Variants in CCDC9 observed in about 807,000 individuals in gnomAD.
CCDC9 encodes coiled-coil domain-containing protein 9.
A neutral mutation model predicts 65.6 loss-of-function variants in CCDC9; 52 were observed. The ratio of observed to expected loss-of-function variants is 0.79; its 90% confidence interval spans 0.63 to 1.00. CCDC9 has a LOEUF of 1.00. Ranked by LOEUF, CCDC9 falls within the 50% of genes least tolerant of loss-of-function variation. CCDC9 has a pLI of 0.00. For missense variants in CCDC9, 834 were observed against 757.2 expected, an observed-to-expected ratio of 1.10 and a Z score of -1.19; for synonymous variants, 332 against 280.3, an observed-to-expected ratio of 1.18 and a Z score of -1.84.
chr19:47,272,015 G>T, downstream of CCDC9: 1 of 1,239,166 alleles, frequency 8.1e-7, no homozygotes, highest in South Asian at 3.9e-5. Context: ...TCTCTCTTGG[G>T]GTGGGGAGAT....
chr19:47,272,311 A>C, downstream of CCDC9: 1 of 292,544 alleles, frequency 3.4e-6, no homozygotes, highest in East Asian at 8.2e-5. Context: ...TCGGATAGGG[A>C]TGGGGGGCTG....
chr19:47,274,480 G>A, downstream of CCDC9: 1 of 154,788 alleles, frequency 6.5e-6, no homozygotes, highest in Non-Finnish European at 1.4e-5. Context: ...TCGAGCACTG[G>A]AGTAGAGCAG....
downstream of CCDC9, chr19:47,274,956 AG>A (rs1310527120): frequency 1.5e-6 from 2 of 1,371,656 alleles, no homozygotes; most frequent in Non-Finnish European, 1.9e-6. Context: ...CGGCGCCGAG[AG>A]CCCCGGAGGC....
chr19:47,271,658 T>C lies in CCDC9; in HGVS notation c.1576T>C (p.Trp526Arg), dbSNP rs1467256347. 1 of 1,594,220 alleles carries C rather than the reference T, an allele frequency of 6.3e-7. No individual in the cohort carries two copies. The highest frequency in any genetic ancestry group is 8.5e-7 in the Non-Finnish European group (1 of 1,170,274). The stretch of plus-strand genomic sequence containing the variant: ...TGGCGCCCTCTCCCCGGGTGAGGCC[T>C]GGCCTTTTGAGAGTGTATGAAGCTG... ...LAGALSPGEAWPFESV is the reference protein window; with the variant it reads ...LAGALSPGEARPFESV Residue 526 changes from tryptophan to arginine, a missense_variant, in exon 12 of 12, where the codon TGG becomes CGG. Transcript: ENST00000221922.
chr19:47,259,870 T>C (rs1035390), intron 3 of CCDC9, among the ~76,000 whole-genome samples: 68,996 of 151,860 alleles, frequency 0.45, 16,110 homozygotes, highest in East Asian at 0.67. Flanking sequence ...TTCCACAGGG[T>C]GCTCAGGGAA....
chr19:47,275,059 T>C, downstream of CCDC9: 1 of 1,494,496 alleles, frequency 6.7e-7, no homozygotes, highest in Non-Finnish European at 8.9e-7. Flanking sequence ...GCCGTGCTGC[T>C]CGCCGTGTAC....
chr19:47,265,054 C>T, intron 7 of CCDC9, 108 bp downstream of exon 7: 5 of 949,350 alleles, frequency 5.3e-6, no homozygotes, highest in Non-Finnish European at 5.6e-6. Flanking sequence ...TTTTGTGCCA[C>T]AGCACAGGAC....
downstream of CCDC9, chr19:47,275,131 C>T (rs1367840036): frequency 8.0e-6 from 12 of 1,491,058 alleles, no homozygotes; most frequent in Non-Finnish European, 1.1e-5. Context: ...CAGCCCAGCG[C>T]GCCGTCCCCT....
In CCDC9 at chr19:47,266,791, A is replaced by T. The variant is rs369751478; in HGVS notation, c.901A>T (p.Met301Leu). The change falls in exon 8 of 12, where the codon ATG (methionine) becomes TTG (leucine). Residue 301 changes from methionine (M) to leucine (L), a missense_variant and splice_region_variant. By Grantham distance (15) the Met-to-Leu change is conservative. Coordinates refer to ENST00000221922, the MANE Select transcript of CCDC9 (RefSeq NM_015603.3). ...REWDAEKTDG[M>L]FKDGPVPAHE... ...GTGGGATGCCGAGAAGACCGATGGG[A>T]TGTGAGTCTCCTCCCCGCTCCTCTC... 2 of 1,606,012 alleles carry T rather than the reference A, an allele frequency of 1.2e-6. No individual in the cohort carries two copies. Among genetic ancestry groups the T allele is most frequent in the Admixed American group, 3.4e-5 (2 of 58,838 alleles).
In CCDC9 at chr19:47,262,961, C is replaced by T. The variant is rs191678637; in HGVS notation, c.463-1642C>T. On this transcript the variant is annotated intron_variant, in intron 5 of 11. Transcript: ENST00000221922. Reference sequence around the variant, plus strand: ...ATTAACTGGACGTGGTGGTGTGCCCCTGTGGTCCCAGCTACTTACTTGGGA... The same window carrying T: ...ATTAACTGGACGTGGTGGTGTGCCCTTGTGGTCCCAGCTACTTACTTGGGA... Among the ~76,000 whole-genome samples, 24 of 152,020 alleles carry T rather than the reference C, an allele frequency of 1.6e-4. 1 individual carries two copies. Among genetic ancestry groups the T allele is most frequent in the African/African-American group, 5.8e-4 (24 of 41,480 alleles).
chr19:47,274,980 G>C, downstream of CCDC9: 1 of 1,462,342 alleles, frequency 6.8e-7, no homozygotes, highest in Non-Finnish European at 9.0e-7. Flanking sequence ...GGGGCTGAGC[G>C]AGGGCCCGCG....
At chr19:47,275,707 C>G (rs1358097504), downstream of CCDC9, 1 of 312,158 alleles carries the variant, frequency 3.2e-6, no homozygotes, top group Admixed American at 5.2e-5. Context: ...CGTGCTGTGT[C>G]TGTCCTGTTG....
intron 1 of CCDC9, 124 bp from the exon 2 acceptor site, chr19:47,258,206 G>C (rs2059023248): frequency 1.6e-6 from 1 of 616,156 alleles, no homozygotes; most frequent in African/African-American, 1.8e-5. Context: ...GGGAGAGTGA[G>C]GGCTACAATT....
At position 47,264,942 on chromosome 19, in the gene CCDC9, G is replaced by A. The variant is rs968436564; in HGVS notation, c.716G>A (p.Arg239Gln). ...GTGCGCTGTGGCCTTGAGCACGAGC[G>A]GCAGGTGGGTGTTGGCAGTGAGGAC... Reference protein sequence around the residue: ...ERVRCGLEHERQGRRAGLGSA... With the variant: ...ERVRCGLEHEQQGRRAGLGSA... Residue 239 changes from arginine to glutamine, a missense_variant, in exon 7 of 12, where the codon CGG becomes CAG. Coordinates refer to ENST00000221922, the MANE Select transcript of CCDC9 (RefSeq NM_015603.3). 3 of 1,445,280 alleles carry A rather than the reference G, an allele frequency of 2.1e-6. No individual in the cohort carries two copies. The highest frequency in any genetic ancestry group is 1.5e-5 in the South Asian group (1 of 67,976). 89.5% of individuals were successfully genotyped at this position (1,445,280 alleles called of 1,614,324 possible). A position where few individuals can be genotyped will look rare whatever the true frequency, so the allele number is the denominator to read the frequency against.
At chr19:47,264,453 G>A in intron 5 of CCDC9, 150 bp from the exon 6 acceptor site, 1 of 712,458 alleles carries the variant, frequency 1.4e-6, no homozygotes. Context: ...TCAGTTCACT[G>A]CTGACCTGGA....
chr19:47,258,672 G>T lies in CCDC9; in HGVS notation c.108+9G>T. 2 of 1,607,662 alleles carry T rather than the reference G, an allele frequency of 1.2e-6. No individual in the cohort carries two copies. Among genetic ancestry groups the T allele is most frequent in the South Asian group, 1.1e-5 (1 of 90,956 alleles). On this transcript the variant is annotated intron_variant, in intron 3 of 11. Coordinates refer to ENST00000221922, the MANE Select transcript of CCDC9 (RefSeq NM_015603.3). ...TCATCCGGCGCTACCAGGTGCCCTA[G>T]CCCCGCCCTGGGAGACCCCATCCCC...
intron 8 of CCDC9, among the ~76,000 whole-genome samples, chr19:47,268,775 G>A (rs1166635547): frequency 3.3e-5 from 5 of 151,798 alleles, no homozygotes; most frequent in Non-Finnish European, 7.4e-5. Context: ...AAATTAGCCG[G>A]GTGTGGTGGT....
rs114651892 is a variant in CCDC9, at chr19:47,271,858, C to G, written c.*180C>G. 5,341 of 1,385,398 alleles carry G rather than the reference C, an allele frequency of 3.9e-3. 207 individuals are homozygous for G. The African/African-American group carries it at 0.068, about 18-fold the overall frequency. The allele number at this position is 1,385,398 out of a possible 1,614,324, so 85.8% of individuals were successfully genotyped here. ...CTGAGGGGGTAGCGCAGCCCATGCT[C>G]TTCTGTACTGTCATGCCCGTCTCTG... is the stretch of plus-strand genomic sequence containing the variant. On this transcript the variant is annotated 3_prime_UTR_variant, in exon 12 of 12. Transcript: ENST00000221922.
intron 8 of CCDC9, among the ~76,000 whole-genome samples, chr19:47,269,361 T>G (rs117372563): frequency 0.012 from 1,815 of 151,846 alleles, 17 homozygotes; most frequent in Non-Finnish European, 0.015. Flanking sequence ...ATCTTTTTTT[T>G]TTTGTTTTTT....
Sources: allele counts gnomAD v4.1 joint callset (sites outside exome capture counted in the v4.1 genomes callset), GRCh38; gene constraint gnomAD v4.1.1; transcripts MANE v1.5; gene names NCBI Gene and HGNC (gene_info 2026-07-23, HGNC 2026-07-21).